TTF2: variants seen among roughly 807,000 people sequenced by gnomAD.
TTF2 encodes RNA polymerase II termination factor.
Under a neutral mutation model 142.4 loss-of-function variants are expected in TTF2, and 108 were observed. The ratio of observed to expected loss-of-function variants is 0.76; its 90% CI spans 0.65 to 0.89. The LOEUF (loss-of-function observed/expected upper bound fraction) is 0.89, where lower values mean the gene tolerates loss of function less well. Among genes scored for constraint, TTF2 ranks in the 40% least tolerant of loss-of-function variants. TTF2 has a pLI of 0.00. For synonymous variants in TTF2, 483 were observed against 506.2 expected, an observed-to-expected ratio of 0.95 and a Z score of 0.61; for missense variants, 1,327 against 1,379.8, an observed-to-expected ratio of 0.96 and a Z score of 0.61.
chr1:117,062,832 C>T, intron 3 of TTF2, among the ~76,000 whole-genome samples: 1 of 152,094 alleles, frequency 6.6e-6, no homozygotes, highest in East Asian at 1.9e-4. Context: ...ATATTTAGTC[C>T]TCAATAAATG....
At chr1:117,060,844 T>G (rs1174043224) in intron 2 of TTF2, among the ~76,000 whole-genome samples, 1 of 152,188 alleles carries the variant, frequency 6.6e-6, no homozygotes, top group Non-Finnish European at 1.5e-5. Flanking sequence ...GGGTTTCTAT[T>G]CACTTGACAG....
At position 117,079,237 on chromosome 1, in the gene TTF2, CAAAAAAATAAAAAT is replaced by C. The variant is rs1173076625; in HGVS notation, c.1702-318_1702-305del. ...CCTGGGCAACAGAGCGAGGCTGTCT[CAAAAAAATAAAAAT>C]AAAAAAATAAAAGCTGTAGAGACTG... On this transcript the variant is annotated intron_variant, in intron 8 of 22. Transcript: ENST00000369466. This position sits in a 1 kb window ranked among gnomAD's most constrained non-coding sequence, Gnocchi z 4.2. Among the ~76,000 whole-genome samples the C allele has an allele frequency of 6.6e-6, 1 of 151,400 alleles. No individual in the cohort carries two copies. The highest frequency in any genetic ancestry group is 1.5e-5 in the Non-Finnish European group (1 of 67,884).
At position 117,093,205 on chromosome 1, in the gene TTF2, C is replaced by T. The variant is rs1648762192; in HGVS notation, c.2976+304C>T. Among the ~76,000 whole-genome samples the T allele has an allele frequency of 6.6e-6, 1 of 152,112 alleles. No homozygotes were observed. The highest frequency in any genetic ancestry group is 6.5e-5 in the Admixed American group (1 of 15,278). ...GCCAGGTTTGTGCTAGGGACGGGGC[C>T]TATGCAAGTGAGCAATTTGTTTAGA... On this transcript the variant is annotated intron_variant, in intron 18 of 22. Coordinates refer to ENST00000369466, the MANE Select transcript of TTF2 (RefSeq NM_003594.4). This position sits in a 1 kb window ranked among gnomAD's most constrained non-coding sequence, Gnocchi z 4.5.
In TTF2 at chr1:117,076,939, C is replaced by A; in HGVS notation, c.1573+116C>A. The A allele has an allele frequency of 2.2e-6, 2 of 926,724 alleles. No homozygotes were observed. The highest frequency in any genetic ancestry group is 1.7e-5 in the African/African-American group (1 of 59,856). 57.4% of individuals were successfully genotyped at this position (926,724 alleles called of 1,614,324 possible). A position where few individuals can be genotyped will look rare whatever the true frequency, so the allele number is the denominator to read the frequency against. On this transcript the variant is annotated intron_variant, in intron 7 of 22. Coordinates refer to ENST00000369466, the MANE Select transcript of TTF2 (RefSeq NM_003594.4). The surrounding 1 kb of genome is among the most constrained non-coding windows in gnomAD (Gnocchi z 4.6). ...CAGTTAACCTTAGTCACCTGTGGTT[C>A]AAAAAAAGGTGAGTACAGTACAGTA...
chr1:117,082,436 C>G (rs1232017203), intron 10 of TTF2, among the ~76,000 whole-genome samples: 1 of 152,140 alleles, frequency 6.6e-6, no homozygotes, highest in African/African-American at 2.4e-5. Flanking sequence ...TGGTCTCAAA[C>G]AACTGGGCTC....
At chr1:117,094,500 A>G (rs115942879) in intron 18 of TTF2, 1 of 431,366 alleles carries the variant, frequency 2.3e-6, no homozygotes, top group Non-Finnish European at 4.6e-6. Flanking sequence ...ACTCAAGTGC[A>G]CCCTAAGGGT....
In TTF2 at chr1:117,086,543, G is replaced by A. The variant is rs1043671870; in HGVS notation, c.2160+21G>A. On this transcript the variant is annotated intron_variant, in intron 12 of 22. Coordinates refer to ENST00000369466, the MANE Select transcript of TTF2 (RefSeq NM_003594.4). The surrounding 1 kb of genome is among the most constrained non-coding windows in gnomAD (Gnocchi z 4.2). ...TGGAGGTGAGGCTGGGGGGCAGCCA[G>A]GGAAGTGGAGTTGGAGCCACAGATG... 1 of 1,581,694 alleles carries A rather than the reference G, an allele frequency of 6.3e-7. No individual in the cohort carries two copies. Among genetic ancestry groups the A allele is most frequent in the Non-Finnish European group, 8.7e-7 (1 of 1,151,834 alleles).
rs1006463347 is a variant in TTF2 at position 117,093,729 on chromosome 1, A to G, written c.2976+828A>G. On this transcript the variant is annotated intron_variant, in intron 18 of 22. Coordinates refer to ENST00000369466, the MANE Select transcript of TTF2 (RefSeq NM_003594.4). The surrounding 1 kb of genome is among the most constrained non-coding windows in gnomAD (Gnocchi z 4.5). ...AGCATCCCATGTGGCCAGAACACAC[A>G]TGCTAGTGCCTTCAGAGTGAGCTAT... is the stretch of plus-strand genomic sequence containing the variant. Among the ~76,000 whole-genome samples the G allele has an allele frequency of 2.0e-5, 3 of 152,370 alleles. No homozygotes were observed. Among genetic ancestry groups the G allele is most frequent in the South Asian group, 4.1e-4 (2 of 4,834 alleles).
chr1:117,090,358 C>T lies in TTF2; in HGVS notation c.2496+150C>T, dbSNP rs60581269. 9 of 1,233,014 alleles carry T rather than the reference C, an allele frequency of 7.3e-6. No individual in the cohort carries two copies. In the East Asian group the frequency reaches 1.9e-4, roughly 26 times the overall value. 76.4% of individuals were successfully genotyped at this position (1,233,014 alleles called of 1,614,324 possible). On this transcript the variant is annotated intron_variant, in intron 14 of 22. Transcript: ENST00000369466. The surrounding 1 kb of genome is among the most constrained non-coding windows in gnomAD (Gnocchi z 4.8). ...AGGCCCCAGGGTTGCAGTTCCATGC[C>T]TAGTGTCATAGCAATCCAGTTGTAC...
At chr1:117,065,228 G>C (rs1357666747) in intron 3 of TTF2, among the ~76,000 whole-genome samples, 3 of 152,148 alleles carry the variant, frequency 2.0e-5, no homozygotes, top group Admixed American at 6.5e-5. Context: ...AAACCCTGTT[G>C]GGATTGCATT....
chr1:117,067,696 T>C (rs1350732975), intron 3 of TTF2, among the ~76,000 whole-genome samples: 2 of 152,184 alleles, frequency 1.3e-5, no homozygotes, highest in Non-Finnish European at 2.9e-5. Context: ...GATGATGGCT[T>C]CCTTAGTGAA....
rs530442472 is a variant in TTF2 at position 117,090,720 on chromosome 1, C to T, written c.2588+97C>T. ...GGTCAAATTTCCACAAACTTTATGGCATTATTGATTAGTTGGATGTCTGTA... is the reference window on the plus strand; with the variant it reads ...GGTCAAATTTCCACAAACTTTATGGTATTATTGATTAGTTGGATGTCTGTA... On this transcript the variant is annotated intron_variant, in intron 15 of 22. Coordinates refer to ENST00000369466, the MANE Select transcript of TTF2 (RefSeq NM_003594.4). This position sits in a 1 kb window ranked among gnomAD's most constrained non-coding sequence, Gnocchi z 4.8. The T allele has an allele frequency of 1.2e-5, 12 of 1,005,990 alleles. 1 individual carries two copies. The East Asian group carries it at 2.5e-4, about 21-fold the overall frequency. 62.3% of individuals were successfully genotyped at this position (1,005,990 alleles called of 1,614,324 possible).
intron 3 of TTF2, among the ~76,000 whole-genome samples, chr1:117,065,988 CTTTTTTTTTTTTT>C (rs544726052): frequency 1.1e-4 from 11 of 97,944 alleles, no homozygotes; most frequent in African/African-American, 4.3e-4. Flanking sequence ...CACTATATAC[CTTTTTTTTTTTTT>C]TTTTTTTTTT....
At chr1:117,091,971 G>T (rs1648638825) in intron 17 of TTF2, 21 bp downstream of exon 17, 2 of 1,608,586 alleles carry the variant, frequency 1.2e-6, no homozygotes, top group African/African-American at 2.7e-5. Context: ...CCCTCAGCCT[G>T]CTGTCATATA....
chr1:117,070,589 A>C lies in TTF2; in HGVS notation c.219-3072A>C, dbSNP rs144795813. ...AAGTACTTGATATGCTTTAAACAACAGCAGGAGTTTGTTCTTGATTTATTT... is the reference window on the plus strand; with the variant it reads ...AAGTACTTGATATGCTTTAAACAACCGCAGGAGTTTGTTCTTGATTTATTT... On this transcript the variant is annotated intron_variant, in intron 3 of 22. Coordinates refer to ENST00000369466, the MANE Select transcript of TTF2 (RefSeq NM_003594.4). The surrounding 1 kb of genome is among the most constrained non-coding windows in gnomAD (Gnocchi z 4.2). 6.6e-6 allele frequency among the ~76,000 whole-genome samples: 1 copy of C among 152,250 alleles called. No homozygotes were observed. Among genetic ancestry groups the C allele is most frequent in the Admixed American group, 6.5e-5 (1 of 15,288 alleles).
chr1:117,091,725 A>G, intron 16 of TTF2, 92 bp from the exon 17 acceptor site: 1 of 1,471,474 alleles, frequency 6.8e-7, no homozygotes, highest in Non-Finnish European at 9.1e-7. Flanking sequence ...GAGATCAAAC[A>G]TGGTTAAAGT....
At chr1:117,071,103 G>A (rs1357836838) in intron 3 of TTF2, among the ~76,000 whole-genome samples, 1 of 151,924 alleles carries the variant, frequency 6.6e-6, no homozygotes, top group African/African-American at 2.4e-5. Flanking sequence ...AAAATCAGAG[G>A]CTAACCTGGT....
In TTF2 at chr1:117,106,016, C is replaced by T. The variant is rs556708498; in HGVS notation, c.*4492C>T. 2 of 152,298 alleles carry T rather than the reference C, an allele frequency of 1.3e-5. No individual in the cohort carries two copies. Among genetic ancestry groups the T allele is most frequent in the South Asian group, 2.1e-4 (1 of 4,820 alleles). The allele number at this position is 152,298 out of a possible 1,614,324, so 9.4% of individuals were successfully genotyped here. ...CTCTGGTTGTCTGAAATTTTGCTGT[C>T]AACTCTAATACCTTGAAAGAATTAG... On this transcript the variant is annotated 3_prime_UTR_variant, in exon 23 of 23. Transcript: ENST00000369466.
rs1007036141 is a variant in TTF2, at chr1:117,093,017, C to T, written c.2976+116C>T. The T allele has an allele frequency of 2.0e-5, 24 of 1,178,136 alleles. No homozygotes were observed. The South Asian group carries it at 2.4e-4, about 12-fold the overall frequency. The allele number at this position is 1,178,136 out of a possible 1,614,324, so 73.0% of individuals were successfully genotyped here. ...AGCCATTTGCCAGCAGAGCTAGAGC[C>T]GTTAAATTCTAGCTGATCAGATTCT... On this transcript the variant is annotated intron_variant, in intron 18 of 22. Transcript: ENST00000369466. This position sits in a 1 kb window ranked among gnomAD's most constrained non-coding sequence, Gnocchi z 4.5.
Sources: gnomAD v4.1 joint callset for allele counts (sites outside exome capture counted in the v4.1 genomes callset) on GRCh38, gnomAD v4.1.1 for gene constraint, Gnocchi (gnomAD v3.1) non-coding constraint, MANE v1.5 for transcripts, NCBI Gene and HGNC (gene_info 2026-07-23, HGNC 2026-07-21) for gene names.